CRLF2: variants seen among roughly 807,000 people sequenced by gnomAD.
The protein encoded by CRLF2 is cytokine receptor-like factor 2.
In CRLF2, 41 loss-of-function variants were observed where a neutral mutation model predicts 38.7. The observed-to-expected ratio is 1.06, with a 90% CI of 0.83 to 1.37. CRLF2 has a LOEUF of 1.37. CRLF2 is among the 40% of genes most tolerant of loss of function. CRLF2 has a pLI of 0.00. For synonymous variants in CRLF2, 140 were observed against 128.8 expected, an observed-to-expected ratio of 1.09 and a Z score of -0.59; for missense variants, 377 against 322.2, an observed-to-expected ratio of 1.17 and a Z score of -1.30.
intron 7 of CRLF2, among the ~76,000 whole-genome samples, chrX:1,192,987 T>C (rs2086420383): frequency 6.6e-6 from 1 of 151,576 alleles, no homozygotes. Flanking sequence ...CTAATCCTTG[T>C]ATTTTTAGTA....
rs369256719 is a variant in CRLF2 at position 1,212,418 on chromosome X, GAAAAAAAAAAAA to G, written c.79+126_79+137del. The G allele has an allele frequency of 4.2e-5, 18 of 430,882 alleles. No individual in the cohort carries two copies. In the African/African-American group the frequency reaches 4.2e-4, roughly 10 times the overall value. The allele number at this position is 430,882 out of a possible 1,614,324, so 26.7% of individuals were successfully genotyped here. ...GAGGCAGGAGAATTGCTTGAACCCG[GAAAAAAAAAAAA>G]AAAAAAAAGAAAAGAAGAAAGAAAC... On this transcript the variant is annotated intron_variant, in intron 1 of 7. Coordinates refer to ENST00000400841, the MANE Select transcript of CRLF2 (RefSeq NM_022148.4).
At chrX:1,210,325 T>G (rs2086775341) in intron 1 of CRLF2, among the ~76,000 whole-genome samples, 1 of 152,066 alleles carries the variant, frequency 6.6e-6, no homozygotes, top group African/African-American at 2.4e-5. Context: ...TCTCTTTTTT[T>G]TATTTTGAGA....
intron 1 of CRLF2, among the ~76,000 whole-genome samples, chrX:1,209,469 C>T (rs1234352354): frequency 1.3e-5 from 2 of 151,010 alleles, no homozygotes; most frequent in Non-Finnish European, 2.9e-5. Flanking sequence ...GTAGCTGGGG[C>T]TACAGGTGCC....
In CRLF2 at chrX:1,192,038, T is replaced by C. The variant is rs2086390821; in HGVS notation, c.853-878A>G. Among the ~76,000 whole-genome samples, 14 of 144,692 alleles carry C rather than the reference T, an allele frequency of 9.7e-5. 1 individual carries two copies. The South Asian group carries it at 3.4e-3, about 35-fold the overall frequency. The allele number at this position is 144,692 out of a possible 152,430, so 94.9% of individuals were successfully genotyped here. On this transcript the variant is annotated intron_variant, in intron 7 of 7. Coordinates refer to ENST00000400841, the MANE Select transcript of CRLF2 (RefSeq NM_022148.4). ...GACTAACATGGTGAAACCCCATCTC[T>C]ACGAAAAATACAAAAAATCAGCCGG... is the stretch of plus-strand genomic sequence containing the variant.
intron 1 of CRLF2, among the ~76,000 whole-genome samples, chrX:1,210,111 A>AAAAG (rs1556425589): frequency 1.5e-4 from 16 of 107,852 alleles, no homozygotes; most frequent in Non-Finnish European, 1.8e-4. Context: ...ATCAAAAAAA[A>AAAAG]AAAAGAAAAG....
At chrX:1,201,728 T>C (rs1239353058) in intron 4 of CRLF2, among the ~76,000 whole-genome samples, 3 of 151,868 alleles carry the variant, frequency 2.0e-5, no homozygotes, top group African/African-American at 4.8e-5. Context: ...GGATAGATGA[T>C]AGATGTATAG....
chrX:1,194,149 G>C lies in CRLF2; in HGVS notation c.768-847C>G, dbSNP rs1285545762. On this transcript the variant is annotated intron_variant, in intron 6 of 7. Transcript: ENST00000400841. Reference sequence around the variant, plus strand: ...CAAAAAAAATACAAAAATTAGCTGGGTGTGGTGGCGTCTGCGTGTAGTCCC... The same window carrying C: ...CAAAAAAAATACAAAAATTAGCTGGCTGTGGTGGCGTCTGCGTGTAGTCCC... Among the ~76,000 whole-genome samples, 329 of 151,914 alleles carry C rather than the reference G, an allele frequency of 2.2e-3. 2 individuals are homozygous for C. The highest frequency in any genetic ancestry group is 7.5e-3 in the African/African-American group (309 of 41,412).
chrX:1,196,678 G>T, intron 6 of CRLF2, 102 bp downstream of exon 6: 1 of 1,427,220 alleles, frequency 7.0e-7, no homozygotes, highest in Non-Finnish European at 9.5e-7. Context: ...GGAAACTGAG[G>T]CCCAGGGAAA....
At chrX:1,195,722 TGCTA>T (rs2086461444) in intron 6 of CRLF2, among the ~76,000 whole-genome samples, 2 of 144,444 alleles carry the variant, frequency 1.4e-5, no homozygotes, top group South Asian at 4.2e-4. Context: ...GGACTACAGG[TGCTA>T]ATTTTTATAT....
Position 1,191,358 on chromosome X carries a change from T to TTTCTTTCC in CRLF2, c.853-199_853-198insGGAAAGAA, listed in dbSNP as rs2086376568. On this transcript the variant is annotated intron_variant, in intron 7 of 7. Transcript: ENST00000400841. ...CTTTCTTTCTTTCCTTCTTTCTTTC[T>TTTCTTTCC]TTCCTTTCTTTCTCTTTCTTTCTTT... Among the ~76,000 whole-genome samples, 2 of 103,714 alleles carry TTTCTTTCC rather than the reference T, an allele frequency of 1.9e-5. 1 individual carries two copies. Among genetic ancestry groups the TTTCTTTCC allele is most frequent in the African/African-American group, 6.8e-5 (2 of 29,626 alleles). The allele number at this position is 103,714 out of a possible 152,430, so 68.0% of individuals were successfully genotyped here. A position where few individuals can be genotyped will look rare whatever the true frequency, so the allele number is the denominator to read the frequency against.
chrX:1,203,792 T>C (rs1389895658), intron 3 of CRLF2, among the ~76,000 whole-genome samples: 1 of 152,118 alleles, frequency 6.6e-6, no homozygotes, highest in South Asian at 2.1e-4. Flanking sequence ...GTTTTAAGCC[T>C]CCAGTTTGTG....
In CRLF2 at chrX:1,208,786, G is replaced by A. The variant is rs1206590888; in HGVS notation, c.182+20C>T. Reference sequence around the variant, plus strand: ...TTTGAGCCCCCTGGGCGTGGGGTTCGCTTTCTGGGGGCCACTTACCTGTAG... The same window carrying A: ...TTTGAGCCCCCTGGGCGTGGGGTTCACTTTCTGGGGGCCACTTACCTGTAG... On this transcript the variant is annotated intron_variant, in intron 2 of 7. Coordinates refer to ENST00000400841, the MANE Select transcript of CRLF2 (RefSeq NM_022148.4). The A allele has an allele frequency of 4.0e-6, 6 of 1,487,030 alleles. No individual in the cohort carries two copies. Among genetic ancestry groups the A allele is most frequent in the East Asian group, 2.3e-5 (1 of 44,334 alleles). 92.1% of individuals were successfully genotyped at this position (1,487,030 alleles called of 1,614,324 possible). A position where few individuals can be genotyped will look rare whatever the true frequency, so the allele number is the denominator to read the frequency against.
chrX:1,204,150 C>CTGGGTGTGTGTGTGTGTG (rs1555888157), intron 3 of CRLF2, among the ~76,000 whole-genome samples: 1 of 124,712 alleles, frequency 8.0e-6, no homozygotes, highest in Non-Finnish European at 1.7e-5. Context: ...CCAGCTCACT[C>CTGGGTGTGTGTGTGTGTG]TGTGTGTGTG....
intron 7 of CRLF2, among the ~76,000 whole-genome samples, chrX:1,191,938 G>A (rs1255941516): frequency 2.0e-5 from 3 of 151,728 alleles, no homozygotes; most frequent in South Asian, 2.1e-4. Flanking sequence ...GGCCGCAGTG[G>A]CTTACACCTG....
chrX:1,205,196 C>T (rs1212307880), intron 3 of CRLF2, among the ~76,000 whole-genome samples: 1 of 152,208 alleles, frequency 6.6e-6, no homozygotes, highest in African/African-American at 2.4e-5. Flanking sequence ...AGATTCAATC[C>T]CCAACCAGTG....
chrX:1,191,981 G>A (rs1264867110), intron 7 of CRLF2, among the ~76,000 whole-genome samples: 6 of 148,066 alleles, frequency 4.1e-5, no homozygotes, highest in Non-Finnish European at 7.5e-5. Flanking sequence ...CAAGGTGGGT[G>A]GATCATGAGG....
chrX:1,195,902 T>TATATTTTATATA (rs2086465858), intron 6 of CRLF2, among the ~76,000 whole-genome samples: 1 of 140,716 alleles, frequency 7.1e-6, no homozygotes. Context: ...AAATTAAATA[T>TATATTTTATATA]GTATTTATAT....
intron 4 of CRLF2, among the ~76,000 whole-genome samples, chrX:1,201,158 G>A (rs1435410126): frequency 6.6e-6 from 1 of 152,082 alleles, no homozygotes; most frequent in African/African-American, 2.4e-5. Context: ...TGGTATAGAA[G>A]AAAATAATTG....
At chrX:1,196,961 A>C in intron 5 of CRLF2, 61 bp from the exon 6 acceptor site, 1 of 1,517,490 alleles carries the variant, frequency 6.6e-7, no homozygotes, top group Non-Finnish European at 9.0e-7. Flanking sequence ...GTACGTTTTC[A>C]ACGTGATGTT....
Sources: allele counts gnomAD v4.1 joint callset (sites outside exome capture counted in the v4.1 genomes callset), GRCh38; gene constraint gnomAD v4.1.1; transcripts MANE v1.5; gene names NCBI Gene and HGNC (gene_info 2026-07-23, HGNC 2026-07-21).